The following ARAP2 variants were observed in gnomAD, a reference collection of about 807,000 sequenced individuals.
The protein encoded by ARAP2 is arf-GAP with Rho-GAP domain, ANK repeat and PH domain-containing protein 2.
A neutral mutation model predicts 194.5 loss-of-function variants in ARAP2; 148 were observed. The observed-to-expected ratio is 0.76, with a 90% CI of 0.67 to 0.87. The LOEUF (loss-of-function observed/expected upper bound fraction) is 0.87. Ranked by LOEUF, ARAP2 falls within the 40% of genes least tolerant of loss-of-function variation. The pLI is 0.00. For missense variants in ARAP2, 2,128 were observed against 1,989.7 expected, an observed-to-expected ratio of 1.07 and a Z score of -1.32; for synonymous variants, 695 against 683.5, an observed-to-expected ratio of 1.02 and a Z score of -0.26.
intron 26 of ARAP2, among the ~76,000 whole-genome samples, chr4:36,112,817 G>T (rs1205931844): frequency 6.6e-6 from 1 of 151,862 alleles, no homozygotes; most frequent in African/African-American, 2.4e-5. Flanking sequence ...TTTAGTCTAG[G>T]TTTTAAAAGA....
chr4:36,136,781 A>ATGTGTGTG (rs1386121529), intron 19 of ARAP2, among the ~76,000 whole-genome samples: 1 of 106,576 alleles, frequency 9.4e-6, no homozygotes. Context: ...AGAATCAAAT[A>ATGTGTGTG]TATGTGTGTG....
At chr4:36,129,559 G>C (rs1000313334) in intron 20 of ARAP2, among the ~76,000 whole-genome samples, 1 of 151,792 alleles carries the variant, frequency 6.6e-6, no homozygotes, top group African/African-American at 2.4e-5. Context: ...ACGAATCCCT[G>C]TAAATTCTTT....
chr4:36,123,380 T>C (rs1040011294), intron 22 of ARAP2, among the ~76,000 whole-genome samples: 2 of 151,856 alleles, frequency 1.3e-5, no homozygotes, highest in African/African-American at 4.8e-5. Flanking sequence ...CTCAATCTTT[T>C]AAGGACATTA....
chr4:36,206,626 T>C (rs1745590646), intron 6 of ARAP2, among the ~76,000 whole-genome samples: 1 of 152,240 alleles, frequency 6.6e-6, no homozygotes, highest in Non-Finnish European at 1.5e-5. Flanking sequence ...ACCTCAGGAC[T>C]CTGTATTCTG....
intron 6 of ARAP2, among the ~76,000 whole-genome samples, chr4:36,201,094 A>G (rs1744271307): frequency 6.6e-6 from 1 of 152,240 alleles, no homozygotes; most frequent in Admixed American, 6.5e-5. Context: ...TAGCAAACAC[A>G]TAGTCCTTTT....
At chr4:36,161,790 TGACA>T (rs1395195053) in intron 11 of ARAP2, among the ~76,000 whole-genome samples, 1 of 51,290 alleles carries the variant, frequency 1.9e-5, no homozygotes, top group African/African-American at 8.1e-5. Flanking sequence ...GCATCTGCAC[TGACA>T]AAAAAAAAAA....
At chr4:36,117,593 C>T (rs1721674760) in intron 24 of ARAP2, among the ~76,000 whole-genome samples, 1 of 151,580 alleles carries the variant, frequency 6.6e-6, no homozygotes, top group Non-Finnish European at 1.5e-5. Flanking sequence ...CAAATTATGG[C>T]TTGCTACGTT....
At chr4:36,149,565 C>T (rs552434052) in intron 16 of ARAP2, among the ~76,000 whole-genome samples, 1 of 152,246 alleles carries the variant, frequency 6.6e-6, no homozygotes, top group South Asian at 2.1e-4. Context: ...TGCATAGCTA[C>T]TTGTATCAGT....
chr4:36,193,996 C>T (rs1003351414), intron 6 of ARAP2, among the ~76,000 whole-genome samples: 2 of 152,022 alleles, frequency 1.3e-5, no homozygotes, highest in Admixed American at 1.3e-4. Context: ...AAGCTTTCAT[C>T]CCTCATTAAG....
chr4:36,140,157 C>CACACACACAA (rs1727940884), intron 19 of ARAP2, among the ~76,000 whole-genome samples: 2 of 151,088 alleles, frequency 1.3e-5, no homozygotes, highest in South Asian at 4.2e-4. Context: ...CACACACACA[C>CACACACACAA]ACACACACAC....
At chr4:36,188,968 A>G (rs35414578) in intron 7 of ARAP2, among the ~76,000 whole-genome samples, 36,610 of 152,140 alleles carry the variant, frequency 0.24, 4,960 homozygotes, top group South Asian at 0.33. Context: ...CTTCTCCTTC[A>G]CTAGCTCTGT....
chr4:36,225,931 A>G (rs1236926508), intron 2 of ARAP2, among the ~76,000 whole-genome samples: 1 of 152,206 alleles, frequency 6.6e-6, no homozygotes, highest in Non-Finnish European at 1.5e-5. Flanking sequence ...CTCACGTTAC[A>G]TAACCCACAG....
At chr4:36,024,769 T>C (rs1717615087) in intron 5 of ARAP2, among the ~76,000 whole-genome samples, 2 of 152,264 alleles carry the variant, frequency 1.3e-5, no homozygotes, top group South Asian at 4.1e-4. Context: ...ATTCAATATG[T>C]AGGCTAATTT....
chr4:36,210,350 A>T, intron 6 of ARAP2, 40 bp downstream of exon 6: 2 of 1,523,010 alleles, frequency 1.3e-6, no homozygotes, highest in Non-Finnish European at 1.8e-6. Context: ...TTGAAATTTT[A>T]AAAATATGCC....
intron 31 of ARAP2, among the ~76,000 whole-genome samples, chr4:36,076,918 T>TC (rs944504193): frequency 1.3e-5 from 2 of 152,156 alleles, no homozygotes; most frequent in African/African-American, 4.8e-5. Flanking sequence ...TAGAATTTTT[T>TC]CTGATTTCTA....
chr4:36,180,989 A>T (rs945241395), intron 8 of ARAP2, among the ~76,000 whole-genome samples: 17 of 152,246 alleles, frequency 1.1e-4, no homozygotes, highest in African/African-American at 3.6e-4. Context: ...GCATCCTGAG[A>T]TATGGGGGAA....
chr4:36,065,145 T>G (rs1300740257), downstream of ARAP2: 6 of 298,910 alleles, frequency 2.0e-5, no homozygotes, highest in Non-Finnish European at 4.2e-5. Context: ...AGCCTCTTCT[T>G]CAGTTCCAGT....
intron 27 of ARAP2, among the ~76,000 whole-genome samples, 185 bp from the exon 28 acceptor site, chr4:36,092,205 C>A (rs1372145004): frequency 6.6e-6 from 1 of 152,160 alleles, no homozygotes; most frequent in Non-Finnish European, 1.5e-5. Context: ...ATGGGCCTGC[C>A]TGGACTGTTC....
intron 27 of ARAP2, among the ~76,000 whole-genome samples, chr4:36,104,433 T>C (rs1193467459): frequency 6.6e-6 from 1 of 151,992 alleles, no homozygotes; most frequent in Admixed American, 6.6e-5. Flanking sequence ...GGTAATGAAA[T>C]GGAGCAATAA....
Sources: gnomAD v4.1 joint callset for allele counts (sites outside exome capture counted in the v4.1 genomes callset) on GRCh38, gnomAD v4.1.1 for gene constraint, MANE v1.5 for transcripts, NCBI Gene and HGNC (gene_info 2026-07-23, HGNC 2026-07-21) for gene names.